Variants in PAXIP1 observed in about 807,000 individuals in gnomAD.
The protein encoded by PAXIP1 is PAX interacting protein 1, also known as PAX-interacting protein 1.
A neutral mutation model predicts 140.6 loss-of-function variants in PAXIP1; 19 were observed. The ratio of observed to expected loss-of-function variants is 0.14; its 90% CI spans 0.09 to 0.20. The LOEUF (loss-of-function observed/expected upper bound fraction) is 0.20. PAXIP1 is among the 10% of genes least tolerant of loss of function. PAXIP1 has a pLI of 1.00. For synonymous variants in PAXIP1, 442 were observed against 444.6 expected, an observed-to-expected ratio of 0.99 and a Z score of 0.07; for missense variants, 920 against 1,208.6, an observed-to-expected ratio of 0.76 and a Z score of 3.54.
In PAXIP1 at chr7:154,973,730, T is replaced by G. The variant is rs1378648219; in HGVS notation, c.1074+1966A>C. Among the ~76,000 whole-genome samples the G allele has an allele frequency of 1.3e-5, 2 of 152,214 alleles. No homozygotes were observed. Among genetic ancestry groups the G allele is most frequent in the African/African-American group, 4.8e-5 (2 of 41,454 alleles). ...ATCATACCCAATAAAATGATCATTG[T>G]CAACATCACCTTATACCTACGCCAT... is the stretch of plus-strand genomic sequence containing the variant. On this transcript the variant is annotated intron_variant, in intron 6 of 20. Coordinates refer to ENST00000404141, the MANE Select transcript of PAXIP1 (RefSeq NM_007349.4). This position sits in a 1 kb window ranked among gnomAD's most constrained non-coding sequence, Gnocchi z 4.0.
intron 17 of PAXIP1, chr7:154,947,073 A>C (rs2150736619): frequency 3.1e-6 from 1 of 326,742 alleles, no homozygotes; most frequent in African/African-American, 2.1e-5. Context: ...CCTAAAACAA[A>C]GTGTTTTGTG....
Position 154,976,138 on chromosome 7 carries a change from T to C in PAXIP1, c.632A>G (p.Glu211Gly). The change falls in exon 6 of 21, where the codon GAG (glutamate) becomes GGG (glycine). Residue 211 changes from glutamate to glycine, a missense_variant. By Grantham distance (98) the Glu-to-Gly change is moderately conservative. Transcript: ENST00000404141. ...VENEEQDSQN[E>G]GSTDEKSSPA... ...GCTTGACTTCTCATCTGTACTACCC[T>C]CATTCTGAGAATCTTGTTCCTCATT... 1.3e-6 allele frequency: 2 copies of C among 1,575,060 alleles called. No homozygotes were observed. The highest frequency in any genetic ancestry group is 1.7e-6 in the Non-Finnish European group (2 of 1,158,604).
chr7:154,954,496 CAG>C lies in PAXIP1; in HGVS notation c.2653-75_2653-74del, dbSNP rs1585041498. On this transcript the variant is annotated intron_variant, in intron 15 of 20. Coordinates refer to ENST00000404141, the MANE Select transcript of PAXIP1 (RefSeq NM_007349.4). The surrounding 1 kb of genome is among the most constrained non-coding windows in gnomAD (Gnocchi z 5.1). ...AGAGCCACACTGACACAGAGTAACACAGAGGAATATCTACCTAAAGACAAGGT... is the reference window on the plus strand; with the variant it reads ...AGAGCCACACTGACACAGAGTAACACAGGAATATCTACCTAAAGACAAGGT... 2.4e-5 allele frequency: 25 copies of C among 1,031,168 alleles called. No individual in the cohort carries two copies. The highest frequency in any genetic ancestry group is 3.1e-5 in the Non-Finnish European group (24 of 769,752). 63.9% of individuals were successfully genotyped at this position (1,031,168 alleles called of 1,614,324 possible).
Position 154,993,736 on chromosome 7 carries a change from T to A in PAXIP1, c.250A>T (p.Thr84Ser). Residue 84 changes from threonine (T) to serine (S), a missense_variant, in exon 3 of 21, where the codon ACT (threonine) becomes TCT (serine). By Grantham distance (58) the Thr-to-Ser change is moderately conservative. Coordinates refer to ENST00000404141, the MANE Select transcript of PAXIP1 (RefSeq NM_007349.4). ...CAAAAAAAAGGATACGGCAGAAGAG[T>A]TCCACACTGAACGGACAGAATCACC... The part of the protein sequence containing the change: ...SWVILSVQCG[T>S]LLPVNGFSPE... 6.3e-7 allele frequency: 1 copy of A among 1,592,720 alleles called. No individual in the cohort carries two copies.
Position 154,968,659 on chromosome 7 carries a change from A to AGCTGCTGCTGCTGGAGCTGGGCG in PAXIP1, c.1541_1542insCGCCCAGCTCCAGCAGCAGCAGC (p.His521GlnfsTer45), listed in dbSNP as rs1563372449. 7.1e-5 allele frequency: 51 copies of AGCTGCTGCTGCTGGAGCTGGGCG among 716,092 alleles called. No individual in the cohort carries two copies. In the Middle Eastern group the frequency reaches 7.8e-4, roughly 11 times the overall value. The allele number at this position is 716,092 out of a possible 1,614,324, so 44.4% of individuals were successfully genotyped here. ...GGCTGTGCTGCTGCTGGAGCTGGGC[A>AGCTGCTGCTGCTGGAGCTGGGCG]AGCTGCTGCTGCTGGAGCTGGTGCT... On this transcript the variant is annotated frameshift_variant, in exon 7 of 21. Transcript: ENST00000404141. LOFTEE classifies it high-confidence loss of function.
At chr7:154,992,887 T>C (rs1220285770) in intron 3 of PAXIP1, among the ~76,000 whole-genome samples, 1 of 152,210 alleles carries the variant, frequency 6.6e-6, no homozygotes, top group Non-Finnish European at 1.5e-5. Flanking sequence ...ATGATAAGTT[T>C]CCTTCCATCT....
In PAXIP1 at chr7:154,973,223, C is replaced by A. The variant is rs1809413378; in HGVS notation, c.1074+2473G>T. 6.6e-6 allele frequency among the ~76,000 whole-genome samples: 1 copy of A among 152,172 alleles called. No individual in the cohort carries two copies. Among genetic ancestry groups the A allele is most frequent in the Admixed American group, 6.5e-5 (1 of 15,276 alleles). On this transcript the variant is annotated intron_variant, in intron 6 of 20. Transcript: ENST00000404141. This position sits in a 1 kb window ranked among gnomAD's most constrained non-coding sequence, Gnocchi z 4.0. ...TTCCTCAGCCACACATTCCCAACCA[C>A]CCCCAAGACCCATGGTCAGTGGCAG...
At position 154,991,045 on chromosome 7, in the gene PAXIP1, T is replaced by C. The variant is rs1810305820; in HGVS notation, c.285A>G (p.Ser95=). The C allele has an allele frequency of 1.9e-6, 3 of 1,545,838 alleles. No homozygotes were observed. Among genetic ancestry groups the C allele is most frequent in the South Asian group, 1.2e-5 (1 of 82,702 alleles). The change falls in exon 4 of 21, where the codon TCA becomes TCG. Residue 95 remains serine (S), a synonymous_variant. Coordinates refer to ENST00000404141, the MANE Select transcript of PAXIP1 (RefSeq NM_007349.4). Reference sequence around the variant, plus strand: ...CAGTGATTCCAAAAAAAATCTGACATGATTCTGGAGAAAAACCATTTACTC... The same window carrying C: ...CAGTGATTCCAAAAAAAATCTGACACGATTCTGGAGAAAAACCATTTACTC... ...LLPVNGFSPE[S]CQIFFGITAC...
chr7:154,977,573 G>T lies in PAXIP1; in HGVS notation c.439-1242C>A, dbSNP rs1809642174. Among the ~76,000 whole-genome samples the T allele has an allele frequency of 2.0e-5, 3 of 152,310 alleles. No homozygotes were observed. In the South Asian group the frequency reaches 6.2e-4, roughly 32 times the overall value. On this transcript the variant is annotated intron_variant, in intron 5 of 20. Coordinates refer to ENST00000404141, the MANE Select transcript of PAXIP1 (RefSeq NM_007349.4). ...CAGCTCAGTGACTTAACTTGTGTTTGTGAGTTTGTTCTTTCTCAAACCTTT... is the reference window on the plus strand; with the variant it reads ...CAGCTCAGTGACTTAACTTGTGTTTTTGAGTTTGTTCTTTCTCAAACCTTT...
intron 1 of PAXIP1, among the ~76,000 whole-genome samples, 175 bp from the exon 2 acceptor site, chr7:154,998,959 CA>C (rs1265408484): frequency 6.6e-6 from 1 of 152,194 alleles, no homozygotes; most frequent in Non-Finnish European, 1.5e-5. Context: ...CTTTCGGGGA[CA>C]ATCAAAAGCA....
chr7:154,957,371 CA>C lies in PAXIP1; in HGVS notation c.2479-78del, dbSNP rs1023718194. Reference sequence around the variant, plus strand: ...AGTAGCTTCCAGAAGATTTATGTGTCAAATAATCAAACTACTTAAACATATA... The same window carrying C: ...AGTAGCTTCCAGAAGATTTATGTGTCAATAATCAAACTACTTAAACATATA... On this transcript the variant is annotated intron_variant, in intron 13 of 20. Coordinates refer to ENST00000404141, the MANE Select transcript of PAXIP1 (RefSeq NM_007349.4). 1.9e-5 allele frequency: 14 copies of C among 725,008 alleles called. No individual in the cohort carries two copies. In the African/African-American group the frequency reaches 2.3e-4, roughly 12 times the overall value. 44.9% of individuals were successfully genotyped at this position (725,008 alleles called of 1,614,324 possible). A position where few individuals can be genotyped will look rare whatever the true frequency, so the allele number is the denominator to read the frequency against.
At chr7:154,989,557 C>A (rs1023736300) in intron 4 of PAXIP1, among the ~76,000 whole-genome samples, 3 of 152,148 alleles carry the variant, frequency 2.0e-5, no homozygotes, top group African/African-American at 7.2e-5. Context: ...CTAAGGACCA[C>A]TAATTTTAAA....
intron 8 of PAXIP1, among the ~76,000 whole-genome samples, chr7:154,966,033 A>G (rs1563370558): frequency 6.6e-5 from 10 of 152,130 alleles, no homozygotes. Flanking sequence ...CTCTCTTTCA[A>G]TCTCTGAGTC....
At chr7:154,976,714 CAGTT>C (rs1211578291) in intron 5 of PAXIP1, among the ~76,000 whole-genome samples, 7 of 152,206 alleles carry the variant, frequency 4.6e-5, no homozygotes, top group Admixed American at 3.3e-4. Context: ...TTTTCCATGA[CAGTT>C]AGTAAAGTAA....
In PAXIP1 at chr7:154,976,063, G is replaced by A; in HGVS notation, c.707C>T (p.Pro236Leu). ...TTTAGATTTTTCAGTGTTGGATTTA[G>A]GTGAAAACTGCTGGTCACCTGAAGG... ...GSPSGDQQFS[P>L]KSNTEKSKGE... is the part of the protein sequence containing the mutation. The change falls in exon 6 of 21, where the codon CCT becomes CTT. Residue 236 changes from proline (P) to leucine (L), a missense_variant. By Grantham distance (98) the Pro-to-Leu change is moderately conservative. Transcript: ENST00000404141. The A allele has an allele frequency of 2.5e-6, 4 of 1,590,998 alleles. No individual in the cohort carries two copies. The highest frequency in any genetic ancestry group is 3.4e-6 in the Non-Finnish European group (4 of 1,167,172).
At chr7:154,994,464 CAT>C (rs1810482575) in intron 2 of PAXIP1, among the ~76,000 whole-genome samples, 3 of 152,116 alleles carry the variant, frequency 2.0e-5, no homozygotes, top group Admixed American at 2.0e-4. Flanking sequence ...CTGAAACAGA[CAT>C]ATATACTCAC....
rs1472739603 is a variant in PAXIP1, at chr7:154,961,646, A to G, written c.2130T>C (p.Ile710=). ...PPGGKPCSQH[I]ISVTGFVDSD... ...TATCAACAAATCCAGTCACAGAAAT[A>G]ATCTAAGAAAAAAAGAGAAAATAAG... The change falls in exon 11 of 21, where the codon ATT becomes ATC. Residue 710 remains isoleucine, a splice_region_variant and synonymous_variant. Transcript: ENST00000404141. 1.3e-6 allele frequency: 2 copies of G among 1,585,264 alleles called. No individual in the cohort carries two copies.
chr7:154,976,211 T>C lies in PAXIP1; in HGVS notation c.559A>G (p.Ile187Val), dbSNP rs1301650183. The change falls in exon 6 of 21, where the codon ATT becomes GTT. Residue 187 changes from isoleucine (I) to valine (V), a missense_variant. Transcript: ENST00000404141. The part of the protein sequence containing the change: ...DEAFYHPRLI[I>V]YEEEEEEEEE... ...TCTTCCTCTTCTTCCTCTTCATAAA[T>C]AATCAGACGAGGATGATAAAATGCT... The C allele has an allele frequency of 6.2e-7, 1 of 1,613,412 alleles. No homozygotes were observed. Among genetic ancestry groups the C allele is most frequent in the Admixed American group, 1.7e-5 (1 of 59,936 alleles).
rs182851319 is a variant in PAXIP1 at position 154,973,968 on chromosome 7, C to T, written c.1074+1728G>A. ...ACAGCCCAGCTGGCTCTCAATGGTG[C>T]GGCTCCTCAGAGCCTGGCCCCAGAC... On this transcript the variant is annotated intron_variant, in intron 6 of 20. Transcript: ENST00000404141. This position sits in a 1 kb window ranked among gnomAD's most constrained non-coding sequence, Gnocchi z 4.0. Among the ~76,000 whole-genome samples, 5 of 152,298 alleles carry T rather than the reference C, an allele frequency of 3.3e-5. No individual in the cohort carries two copies. The East Asian group carries it at 5.8e-4, about 18-fold the overall frequency.
Sources: gnomAD v4.1 joint callset for allele counts (sites outside exome capture counted in the v4.1 genomes callset) on GRCh38, gnomAD v4.1.1 for gene constraint, Gnocchi (gnomAD v3.1) non-coding constraint, MANE v1.5 for transcripts, NCBI Gene and HGNC (gene_info 2026-07-23, HGNC 2026-07-21) for gene names.